Variants in TNS3 observed in about 807,000 individuals in gnomAD.
TNS3 encodes the protein tensin 3, also known as tensin-3.
A neutral mutation model predicts 140.9 loss-of-function variants in TNS3; 45 were observed. The observed-to-expected ratio is 0.32, with a 90% CI of 0.25 to 0.41. TNS3 has a LOEUF of 0.41. Among genes scored for constraint, TNS3 ranks in the 10% least tolerant of loss-of-function variants. The pLI, the probability that TNS3 is intolerant of heterozygous loss-of-function variation, is 1.00. For missense variants in TNS3, 1,716 were observed against 1,906.7 expected (o/e 0.90, Z 1.86); for synonymous variants, 815 against 788.4 (o/e 1.03, Z -0.56).
chr7:47,548,375 G>A (rs1458302635), intron 1 of TNS3, among the ~76,000 whole-genome samples: 2 of 152,210 alleles, frequency 1.3e-5, no homozygotes, highest in African/African-American at 2.4e-5. Flanking sequence ...CTTCCTCAAA[G>A]GCTGACTATA....
chr7:47,292,724 C>A, intron 26 of TNS3, 104 bp downstream of exon 26: 1 of 1,049,268 alleles, frequency 9.5e-7, no homozygotes, highest in Non-Finnish European at 1.4e-6. Flanking sequence ...AAAAAACTTC[C>A]AGTCTTATTA....
At position 47,478,918 on chromosome 7, in the gene TNS3, CACA is replaced by C. The variant is rs549635627; in HGVS notation, c.-76+2182_-76+2184del. 3.8e-4 allele frequency among the ~76,000 whole-genome samples: 53 copies of C among 140,962 alleles called. 1 individual carries two copies. In the East Asian group the frequency reaches 8.6e-3, roughly 23 times the overall value. The allele number at this position is 140,962 out of a possible 152,430, so 92.5% of individuals were successfully genotyped here. On this transcript the variant is annotated intron_variant, in intron 4 of 30. Transcript: ENST00000311160. ...TAACATACATGTATGTATTTGTACG[CACA>C]ACAATTACACACATAATACACACAC...
intron 1 of TNS3, among the ~76,000 whole-genome samples, chr7:47,548,416 C>T (rs544735864): frequency 2.3e-4 from 35 of 152,286 alleles, no homozygotes; most frequent in African/African-American, 8.4e-4. Flanking sequence ...GGTTCATGGG[C>T]TCCAGAATCC....
In TNS3 at chr7:47,352,942, G is replaced by A. The variant is rs1029538732; in HGVS notation, c.2282-6586C>T. Among the ~76,000 whole-genome samples, 2 of 152,226 alleles carry A rather than the reference G, an allele frequency of 1.3e-5. 1 individual carries two copies. The highest frequency in any genetic ancestry group is 4.1e-4 in the South Asian group (2 of 4,834). On this transcript the variant is annotated intron_variant, in intron 17 of 30. Transcript: ENST00000311160. ...CTCTTTTCATGTGGCTACAGGTGGG[G>A]CAGAGGTGGGAGAAGCAAAGCACTT...
chr7:47,455,298 G>A (rs540508028), intron 4 of TNS3, among the ~76,000 whole-genome samples: 8 of 152,232 alleles, frequency 5.3e-5, no homozygotes, highest in Non-Finnish European at 1.0e-4. Context: ...GGGCTGCCCA[G>A]AGAATGCTGA....
intron 2 of TNS3, among the ~76,000 whole-genome samples, chr7:47,524,422 C>A (rs1373476294): frequency 6.6e-6 from 1 of 152,206 alleles, no homozygotes; most frequent in Admixed American, 6.5e-5. Flanking sequence ...GCGCCCAGAG[C>A]CACGAACAGG....
chr7:47,458,614 C>T (rs1013583138), intron 4 of TNS3, among the ~76,000 whole-genome samples: 1 of 152,252 alleles, frequency 6.6e-6, no homozygotes, highest in African/African-American at 2.4e-5. Flanking sequence ...AAGCCACCTC[C>T]TGTGAGCACA....
At position 47,492,741 on chromosome 7, in the gene TNS3, T is replaced by C. The variant is rs116899204; in HGVS notation, c.-114-11600A>G. Among the ~76,000 whole-genome samples the C allele has an allele frequency of 3.7e-4, 57 of 152,362 alleles. No homozygotes were observed. In the East Asian group the frequency reaches 0.011, roughly 29 times the overall value. On this transcript the variant is annotated intron_variant, in intron 3 of 30. Coordinates refer to ENST00000311160, the MANE Select transcript of TNS3 (RefSeq NM_022748.12). ...AGTAACACTAAAACAAAGCACAGTTTTCCGAGGCTTTTAAAATGAGGGGTG... is the reference window on the plus strand; with the variant it reads ...AGTAACACTAAAACAAAGCACAGTTCTCCGAGGCTTTTAAAATGAGGGGTG...
intron 1 of TNS3, among the ~76,000 whole-genome samples, chr7:47,547,346 G>T (rs1799949559): frequency 6.6e-6 from 1 of 152,190 alleles, no homozygotes. Context: ...GCAAGTGTGG[G>T]TGGGACGTGA....
At chr7:47,288,106 G>GA (rs1224395537) in intron 27 of TNS3, among the ~76,000 whole-genome samples, 1 of 152,218 alleles carries the variant, frequency 6.6e-6, no homozygotes, top group Non-Finnish European at 1.5e-5. Flanking sequence ...AGCTTAAGGA[G>GA]AAAAGTGAAA....
intron 3 of TNS3, among the ~76,000 whole-genome samples, chr7:47,491,385 C>A (rs576870761): frequency 6.6e-6 from 1 of 152,172 alleles, no homozygotes; most frequent in Non-Finnish European, 1.5e-5. Context: ...GATGAATTTA[C>A]GGAGACTGTC....
At chr7:47,558,099 C>T (rs956204072) in intron 1 of TNS3, among the ~76,000 whole-genome samples, 2 of 152,184 alleles carry the variant, frequency 1.3e-5, no homozygotes, top group Admixed American at 1.3e-4. Context: ...ACTGTCCACC[C>T]CCATGTGGGT....
intron 20 of TNS3, among the ~76,000 whole-genome samples, chr7:47,308,280 C>A (rs1786876437): frequency 6.6e-6 from 1 of 152,140 alleles, no homozygotes; most frequent in Admixed American, 6.5e-5. Context: ...GGTTATTTTT[C>A]ATTTCAGACA....
rs533170086 is a variant in TNS3, at chr7:47,564,730, C to T, written c.-265+17321G>A. 1.6e-3 allele frequency among the ~76,000 whole-genome samples: 209 copies of T among 130,672 alleles called. 4 individuals carry two copies. In the South Asian group the frequency reaches 0.058, roughly 36 times the overall value. 85.7% of individuals were successfully genotyped at this position (130,672 alleles called of 152,430 possible). A position where few individuals can be genotyped will look rare whatever the true frequency, so the allele number is the denominator to read the frequency against. On this transcript the variant is annotated intron_variant, in intron 1 of 30. Transcript: ENST00000311160. ...ATATATATGCGTATATACATGTATA[C>T]GCATATATATATGAACATGCCCTGT...
chr7:47,480,998 A>G (rs1797393963), intron 4 of TNS3, 105 bp downstream of exon 4: 2 of 848,738 alleles, frequency 2.4e-6, no homozygotes, highest in South Asian at 2.9e-5. Flanking sequence ...GAGGGCATGG[A>G]TCCTAGAGGA....
At chr7:47,493,123 T>G (rs535083810) in intron 3 of TNS3, among the ~76,000 whole-genome samples, 23 of 152,138 alleles carry the variant, frequency 1.5e-4, no homozygotes, top group Non-Finnish European at 3.4e-4. Flanking sequence ...TGCCCAGATC[T>G]CGAATAAAAC....
At chr7:47,430,130 T>C (rs1794856149) in intron 8 of TNS3, among the ~76,000 whole-genome samples, 1 of 128,422 alleles carries the variant, frequency 7.8e-6, no homozygotes, top group Non-Finnish European at 1.7e-5. Context: ...TCTTTTCTTT[T>C]CTTTTTTTTT....
chr7:47,396,694 G>C, intron 16 of TNS3, 106 bp downstream of exon 16: 1 of 916,760 alleles, frequency 1.1e-6, no homozygotes, highest in Non-Finnish European at 1.8e-6. Flanking sequence ...GAAAACAGGG[G>C]AAATTTTTTC....
chr7:47,323,138 C>T (rs1167415158), intron 20 of TNS3, among the ~76,000 whole-genome samples: 2 of 152,226 alleles, frequency 1.3e-5, no homozygotes, highest in African/African-American at 4.8e-5. Context: ...GTTGCTTTTT[C>T]TCACGGAGCC....
Sources: allele counts gnomAD v4.1 joint callset (sites outside exome capture counted in the v4.1 genomes callset), GRCh38; gene constraint gnomAD v4.1.1; transcripts MANE v1.5; gene names NCBI Gene and HGNC (gene_info 2026-07-23, HGNC 2026-07-21).